The following PAPOLA variants were observed in gnomAD, a reference collection of about 807,000 sequenced individuals.
The protein encoded by PAPOLA is poly(A) polymerase alpha, also known as polynucleotide adenylyltransferase alpha.
In PAPOLA, 15 loss-of-function variants were observed where a neutral mutation model predicts 100.6. That is an observed-to-expected ratio of 0.15 (90% CI 0.10 to 0.23). The LOEUF is 0.23. Among genes scored for constraint, PAPOLA ranks in the 10% least tolerant of loss-of-function variants. The pLI is 1.00. For missense variants in PAPOLA, 533 were observed against 884.2 expected, an observed-to-expected ratio of 0.60 and a Z score of 5.04; for synonymous variants, 293 against 300.0, an observed-to-expected ratio of 0.98 and a Z score of 0.24.
intron 6 of PAPOLA, among the ~76,000 whole-genome samples, chr14:96,530,769 G>A (rs994209600): frequency 1.3e-5 from 2 of 152,090 alleles, no homozygotes; most frequent in African/African-American, 2.4e-5. Context: ...GGACATTGTC[G>A]TGTTCATAGA....
Position 96,566,926 on chromosome 14 carries a change from A to G in PAPOLA, c.*1876A>G, listed in dbSNP as rs1285085126. The stretch of plus-strand genomic sequence containing the variant: ...AAACTTGGACCTTTTCTGTGTAGTG[A>G]CTTTTTAATTATAGTTTTCATAACC... On this transcript the variant is annotated 3_prime_UTR_variant, in exon 22 of 22. Transcript: ENST00000216277. 1.3e-5 allele frequency: 2 copies of G among 152,568 alleles called. No homozygotes were observed. Among genetic ancestry groups the G allele is most frequent in the Non-Finnish European group, 2.9e-5 (2 of 67,984 alleles). The allele number at this position is 152,568 out of a possible 1,614,324, so 9.5% of individuals were successfully genotyped here.
chr14:96,519,733 T>C (rs1326634307), intron 1 of PAPOLA, among the ~76,000 whole-genome samples: 2 of 152,238 alleles, frequency 1.3e-5, no homozygotes, highest in Non-Finnish European at 2.9e-5. Context: ...TTTATCAATG[T>C]TTAAGAAACA....
At chr14:96,544,093 T>G (rs1900201634) in intron 14 of PAPOLA, 56 bp from the exon 15 acceptor site, 1 of 921,422 alleles carries the variant, frequency 1.1e-6, no homozygotes, top group Non-Finnish European at 1.8e-6. Flanking sequence ...TCAGCCACAC[T>G]GATAGCTACA....
At chr14:96,531,866 A>G (rs1899048340) in intron 7 of PAPOLA, 5 of 1,381,760 alleles carry the variant, frequency 3.6e-6, no homozygotes, top group Admixed American at 7.0e-5. Flanking sequence ...TTTAGGTTTC[A>G]TGGCCTAACC....
chr14:96,515,269 TC>T (rs1192151939), intron 1 of PAPOLA, among the ~76,000 whole-genome samples: 1 of 152,176 alleles, frequency 6.6e-6, no homozygotes, highest in Non-Finnish European at 1.5e-5. Context: ...TTCTGAAAAT[TC>T]TTTATACATT....
At chr14:96,503,782 A>G (rs1347515581) in intron 1 of PAPOLA, among the ~76,000 whole-genome samples, 1 of 152,148 alleles carries the variant, frequency 6.6e-6, no homozygotes, top group Non-Finnish European at 1.5e-5. Context: ...TCTTTAGCAC[A>G]TAATCACCGA....
chr14:96,543,469 GTAA>G (rs2140305615), intron 14 of PAPOLA, among the ~76,000 whole-genome samples: 1 of 152,118 alleles, frequency 6.6e-6, no homozygotes, highest in African/African-American at 2.4e-5. Flanking sequence ...GAGAGTACTA[GTAA>G]TGAGCTTATT....
intron 2 of PAPOLA, among the ~76,000 whole-genome samples, chr14:96,520,574 A>ACCTGGGTCTCAC (rs527903958): frequency 6.6e-6 from 1 of 152,044 alleles, no homozygotes; most frequent in African/African-American, 2.4e-5. Flanking sequence ...GTGGGGTTTC[A>ACCTGGGTCTCAC]CCATGTTGGG....
At chr14:96,541,331 A>G (rs573063807) in intron 12 of PAPOLA, among the ~76,000 whole-genome samples, 57 of 152,362 alleles carry the variant, frequency 3.7e-4, no homozygotes, top group Non-Finnish European at 6.6e-4. Flanking sequence ...TTCAAAGAGT[A>G]AAATAATTTT....
At chr14:96,550,588 T>G (rs755519602) in intron 16 of PAPOLA, among the ~76,000 whole-genome samples, 49 of 152,320 alleles carry the variant, frequency 3.2e-4, no homozygotes, top group Admixed American at 1.1e-3. Flanking sequence ...TGTTACCACA[T>G]ACATATTTTT....
chr14:96,518,578 T>C (rs1267182012), intron 1 of PAPOLA, among the ~76,000 whole-genome samples: 1 of 151,848 alleles, frequency 6.6e-6, no homozygotes, highest in Non-Finnish European at 1.5e-5. Flanking sequence ...CCCAGCTAAT[T>C]TTTTGTATTT....
At chr14:96,535,827 G>C in intron 10 of PAPOLA, 52 bp from the exon 11 acceptor site, 1 of 1,401,552 alleles carries the variant, frequency 7.1e-7, no homozygotes, top group Admixed American at 2.5e-5. Context: ...AAAAGCCCAA[G>C]TATCTGTTGC....
At chr14:96,556,021 G>T (rs1901293084) in intron 18 of PAPOLA, 74 bp downstream of exon 18, 2 of 1,203,814 alleles carry the variant, frequency 1.7e-6, no homozygotes, top group African/African-American at 1.5e-5. Flanking sequence ...TGAAAAGTGG[G>T]TTTGTTAAGT....
intron 1 of PAPOLA, among the ~76,000 whole-genome samples, chr14:96,513,498 A>G (rs758305776): frequency 6.6e-6 from 1 of 152,238 alleles, no homozygotes. Flanking sequence ...ATCGCTGGAG[A>G]TAAAGTTGCT....
chr14:96,522,057 C>G (rs547771473), intron 3 of PAPOLA, among the ~76,000 whole-genome samples: 4 of 151,428 alleles, frequency 2.6e-5, no homozygotes, highest in Admixed American at 1.3e-4. Context: ...CTTCCTTGGC[C>G]TCCCAAAGTG....
In PAPOLA at chr14:96,559,310, T is replaced by C. The variant is rs183086734; in HGVS notation, c.2005-1339T>C. Among the ~76,000 whole-genome samples, 6 of 151,918 alleles carry C rather than the reference T, an allele frequency of 3.9e-5. No homozygotes were observed. The East Asian group carries it at 1.2e-3, about 29-fold the overall frequency. ...GATTTTGAAGCCCTTCTTAATTGGG[T>C]CTTTTATTCTCTGCTAATGAGTACT... On this transcript the variant is annotated intron_variant, in intron 19 of 21. Transcript: ENST00000216277.
chr14:96,533,350 CCT>C, intron 9 of PAPOLA: 1 of 982,276 alleles, frequency 1.0e-6, no homozygotes, highest in South Asian at 4.7e-5. Context: ...CCTGCTCCTC[CCT>C]CTGCAAAAGA....
intron 12 of PAPOLA, among the ~76,000 whole-genome samples, chr14:96,540,428 T>TA (rs1479247990): frequency 6.6e-6 from 1 of 151,666 alleles, no homozygotes; most frequent in Non-Finnish European, 1.5e-5. Flanking sequence ...TTTTTTTTTT[T>TA]AACCAGTTAG....
Position 96,565,703 on chromosome 14 carries a change from A to C in PAPOLA, c.*653A>C. On this transcript the variant is annotated 3_prime_UTR_variant, in exon 22 of 22. Coordinates refer to ENST00000216277, the MANE Select transcript of PAPOLA (RefSeq NM_032632.5). The stretch of plus-strand genomic sequence containing the variant: ...TTGATAGGGTCATGATTAAGAAATG[A>C]TATATTGGTTTTATTTATGGAATTG... The C allele has an allele frequency of 2.5e-6, 1 of 397,864 alleles. No homozygotes were observed. Among genetic ancestry groups the C allele is most frequent in the Non-Finnish European group, 4.4e-6 (1 of 225,452 alleles). 24.6% of individuals were successfully genotyped at this position (397,864 alleles called of 1,614,324 possible).
Sources: allele counts gnomAD v4.1 joint callset (sites outside exome capture counted in the v4.1 genomes callset), GRCh38; gene constraint gnomAD v4.1.1; transcripts MANE v1.5; gene names NCBI Gene and HGNC (gene_info 2026-07-23, HGNC 2026-07-21).